The following SUPT3H variants were observed in gnomAD, a reference collection of about 807,000 sequenced individuals.
SUPT3H encodes SPT3 homolog, SAGA and STAGA complex component, also known as transcription initiation protein SPT3 homolog.
SUPT3H carries 44 observed loss-of-function variants against 44.3 expected under a neutral mutation model. The ratio of observed to expected loss-of-function variants is 0.99; its 90% confidence interval spans 0.78 to 1.28. The LOEUF (loss-of-function observed/expected upper bound fraction) is 1.28, where lower values mean the gene tolerates loss of function less well. SUPT3H is among the 50% of genes most tolerant of loss of function. SUPT3H has a pLI of 0.00. For synonymous variants in SUPT3H, 124 were observed against 125.6 expected (o/e 0.99, Z 0.09); for missense variants, 380 against 387.1 (o/e 0.98, Z 0.15).
At chr6:45,230,351 TAG>T (rs1168985984) in intron 2 of SUPT3H, among the ~76,000 whole-genome samples, 1 of 152,140 alleles carries the variant, frequency 6.6e-6, no homozygotes, top group Non-Finnish European at 1.5e-5. Flanking sequence ...ATTATTTTAT[TAG>T]AGTCTGTCTC....
chr6:45,221,120 A>G (rs537921398), intron 2 of SUPT3H, among the ~76,000 whole-genome samples: 3 of 152,206 alleles, frequency 2.0e-5, no homozygotes, highest in South Asian at 2.1e-4. Context: ...AACTATCACA[A>G]GGACAGAAAA....
At position 44,885,308 on chromosome 6, in the gene SUPT3H, GCCT is replaced by G. The variant is rs1408468305; in HGVS notation, c.912+47342_912+47344del. ...CTGGAGATCTGAGAACGGGCAGACT[GCCT>G]CCTCAAGTGGGTCCCTGACACCTGA... On this transcript the variant is annotated intron_variant, in intron 10 of 10. Transcript: ENST00000371459. Among the ~76,000 whole-genome samples, 5 of 152,200 alleles carry G rather than the reference GCCT, an allele frequency of 3.3e-5. No individual in the cohort carries two copies. In the East Asian group the frequency reaches 9.6e-4, roughly 29 times the overall value.
intron 2 of SUPT3H, among the ~76,000 whole-genome samples, chr6:45,296,176 T>TATACTACACACAC: frequency 1.1e-5 from 1 of 89,610 alleles, no homozygotes; most frequent in Middle Eastern, 5.8e-3. Flanking sequence ...CATATATACA[T>TATACTACACACAC]ACACATACTA....
intron 3 of SUPT3H, among the ~76,000 whole-genome samples, chr6:45,037,375 G>T (rs566524830): frequency 6.6e-6 from 1 of 151,756 alleles, no homozygotes; most frequent in Non-Finnish European, 1.5e-5. Flanking sequence ...ATGGCAGGGC[G>T]CAGTGGCTCA....
intron 7 of SUPT3H, among the ~76,000 whole-genome samples, chr6:44,956,418 A>G (rs907408476): frequency 2.9e-5 from 4 of 137,086 alleles, no homozygotes; most frequent in Admixed American, 1.5e-4. Context: ...CGGAAGGTGG[A>G]GGTTGCAGTG....
At chr6:44,820,368 T>G (rs750452548) in intron 11 of SUPT3H, among the ~76,000 whole-genome samples, 33 of 152,152 alleles carry the variant, frequency 2.2e-4, no homozygotes, top group Non-Finnish European at 5.9e-5. Context: ...CAAAAATGTT[T>G]TTTAAAAGAG....
chr6:44,961,409 C>A (rs1037682567), intron 7 of SUPT3H, among the ~76,000 whole-genome samples: 1 of 152,016 alleles, frequency 6.6e-6, no homozygotes, highest in Non-Finnish European at 1.5e-5. Flanking sequence ...GGATCAAATG[C>A]AATCAGAAAT....
chr6:44,929,769 CTTTT>C (rs35174513), intron 10 of SUPT3H, among the ~76,000 whole-genome samples: 1 of 143,882 alleles, frequency 7.0e-6, no homozygotes, highest in Non-Finnish European at 1.5e-5. Flanking sequence ...CATGAGCTCC[CTTTT>C]TTTTTTTTTT....
intron 2 of SUPT3H, among the ~76,000 whole-genome samples, chr6:45,163,800 A>AT (rs1491335833): frequency 1.2e-4 from 4 of 32,248 alleles, no homozygotes; most frequent in Admixed American, 8.1e-4. Context: ...TCACTTTTAT[A>AT]AAAAAAAAAA....
intron 2 of SUPT3H, among the ~76,000 whole-genome samples, chr6:45,256,372 G>A (rs1193665795): frequency 6.6e-6 from 1 of 152,108 alleles, no homozygotes; most frequent in African/African-American, 2.4e-5. Context: ...CCCCATGAAT[G>A]ATGATTTCTC....
chr6:44,993,486 G>A (rs971084967), intron 6 of SUPT3H, among the ~76,000 whole-genome samples: 3 of 151,880 alleles, frequency 2.0e-5, no homozygotes, highest in African/African-American at 7.2e-5. Context: ...AAGCACTTAT[G>A]ACAACAAATA....
At chr6:45,030,223 G>C (rs1786702059) in intron 3 of SUPT3H, among the ~76,000 whole-genome samples, 1 of 152,134 alleles carries the variant, frequency 6.6e-6, no homozygotes, top group South Asian at 2.1e-4. Flanking sequence ...TCAGTAACTG[G>C]AAATTGATGT....
intron 4 of SUPT3H, among the ~76,000 whole-genome samples, chr6:45,019,911 CAT>C (rs1348193688): frequency 6.6e-6 from 1 of 151,708 alleles, no homozygotes; most frequent in African/African-American, 2.4e-5. Context: ...TTAACTGAAA[CAT>C]GTAAAATATT....
At chr6:44,885,762 C>A (rs185732977) in intron 10 of SUPT3H, among the ~76,000 whole-genome samples, 5 of 152,176 alleles carry the variant, frequency 3.3e-5, no homozygotes, top group Non-Finnish European at 7.4e-5. Context: ...CAAAGCCGGA[C>A]GGAGAATGAC....
At chr6:45,153,009 A>T (rs1185138425) in intron 2 of SUPT3H, among the ~76,000 whole-genome samples, 1 of 152,048 alleles carries the variant, frequency 6.6e-6, no homozygotes, top group Non-Finnish European at 1.5e-5. Flanking sequence ...ACATCTTTAC[A>T]TTTGCTATTC....
downstream of SUPT3H, among the ~76,000 whole-genome samples, chr6:44,821,841 T>C (rs1767342761): frequency 6.6e-6 from 1 of 152,146 alleles, no homozygotes; most frequent in Admixed American, 6.5e-5. Flanking sequence ...GAGGAGACAA[T>C]GGCAATTATG....
intron 3 of SUPT3H, among the ~76,000 whole-genome samples, chr6:45,075,120 T>TAATA (rs1286633756): frequency 1.3e-5 from 2 of 152,112 alleles, no homozygotes; most frequent in African/African-American, 2.4e-5. Context: ...GGCATACAAT[T>TAATA]AATATATTCC....
chr6:45,264,253 A>G (rs1416471132), intron 2 of SUPT3H, among the ~76,000 whole-genome samples: 3 of 152,232 alleles, frequency 2.0e-5, no homozygotes, highest in East Asian at 3.8e-4. Flanking sequence ...AGAAACACCC[A>G]GAATAAGATT....
At chr6:45,133,190 G>GA (rs1000576163) in intron 2 of SUPT3H, among the ~76,000 whole-genome samples, 1 of 152,074 alleles carries the variant, frequency 6.6e-6, no homozygotes, top group African/African-American at 2.4e-5. Flanking sequence ...AAACTTGTGG[G>GA]AAAAAACTGA....
Sources: allele counts gnomAD v4.1 joint callset (sites outside exome capture counted in the v4.1 genomes callset), GRCh38; gene constraint gnomAD v4.1.1; transcripts MANE v1.5; gene names NCBI Gene and HGNC (gene_info 2026-07-23, HGNC 2026-07-21).